ADGRB3: variants seen among roughly 807,000 people sequenced by gnomAD.
ADGRB3 encodes brain-specific angiogenesis inhibitor 3.
Under a neutral mutation model 193.4 loss-of-function variants are expected in ADGRB3, and 37 were observed. That is an observed-to-expected ratio of 0.19 (90% confidence interval 0.15 to 0.25). The LOEUF is 0.25. Ranked by LOEUF, ADGRB3 falls within the 10% of genes least tolerant of loss-of-function variation. ADGRB3 has a pLI of 1.00. For synonymous variants in ADGRB3, 690 were observed against 644.2 expected, an observed-to-expected ratio of 1.07 and a Z score of -1.08; for missense variants, 1,637 against 1,852.9, an observed-to-expected ratio of 0.88 and a Z score of 2.14.
intron 20 of ADGRB3, among the ~76,000 whole-genome samples, chr6:69,247,201 A>G (rs928415986): frequency 1.1e-4 from 17 of 152,302 alleles, no homozygotes; most frequent in South Asian, 4.1e-4. Flanking sequence ...TGCAAACTGT[A>G]TGATGGGTCT....
chr6:69,105,594 G>A (rs758934637), intron 17 of ADGRB3, among the ~76,000 whole-genome samples: 19 of 152,012 alleles, frequency 1.2e-4, no homozygotes, highest in Non-Finnish European at 2.4e-4. Context: ...TCCCAGCCCC[G>A]TTTCTGCCAG....
At chr6:69,060,123 T>C (rs753779404) in intron 15 of ADGRB3, among the ~76,000 whole-genome samples, 33 of 152,058 alleles carry the variant, frequency 2.2e-4, no homozygotes, top group Non-Finnish European at 3.5e-4. Flanking sequence ...TATGCATGAA[T>C]AAATTGACAC....
chr6:69,122,488 AGGGGGAGG>A (rs1190254869), intron 17 of ADGRB3, among the ~76,000 whole-genome samples: 1 of 2,166 alleles, frequency 4.6e-4, no homozygotes, highest in Non-Finnish European at 9.3e-4. Flanking sequence ...GGGAGGGGGG[AGGGGGAGG>A]GGGAGAGGGA....
At chr6:69,238,629 C>T (rs966068201) in intron 19 of ADGRB3, among the ~76,000 whole-genome samples, 2 of 151,942 alleles carry the variant, frequency 1.3e-5, no homozygotes, top group Non-Finnish European at 2.9e-5. Flanking sequence ...TTCACAGTTT[C>T]ATGAAAGTAA....
chr6:68,879,066 G>A lies in ADGRB3; in HGVS notation c.758-51493G>A, dbSNP rs184608776. 1.8e-4 allele frequency among the ~76,000 whole-genome samples: 28 copies of A among 152,124 alleles called. No individual in the cohort carries two copies. In the East Asian group the frequency reaches 3.3e-3, roughly 18 times the overall value. On this transcript the variant is annotated intron_variant, in intron 3 of 31. Transcript: ENST00000370598. ...GATGAGATTTGGGTGGGGACACAGA[G>A]CCAAACCATATCATGGCATAAGCAA...
intron 16 of ADGRB3, among the ~76,000 whole-genome samples, chr6:69,071,013 C>T (rs182613272): frequency 1.6e-3 from 246 of 152,334 alleles, no homozygotes; most frequent in Non-Finnish European, 2.9e-3. Context: ...TCGTACCTCT[C>T]TCTCTCTGCC....
At chr6:69,151,612 C>T (rs1774681388) in intron 17 of ADGRB3, among the ~76,000 whole-genome samples, 1 of 152,088 alleles carries the variant, frequency 6.6e-6, no homozygotes, top group South Asian at 2.1e-4. Flanking sequence ...GTGTAGATGG[C>T]TGTTAAATTC....
chr6:68,720,951 T>C (rs1002119534), intron 3 of ADGRB3, among the ~76,000 whole-genome samples: 1 of 151,746 alleles, frequency 6.6e-6, no homozygotes, highest in African/African-American at 2.4e-5. Context: ...TTTCTGAAAG[T>C]TTTTTGTTCT....
At chr6:68,707,333 G>T (rs1430987150) in intron 3 of ADGRB3, among the ~76,000 whole-genome samples, 1 of 152,112 alleles carries the variant, frequency 6.6e-6, no homozygotes, top group Admixed American at 6.6e-5. Flanking sequence ...CTTCTCAGCA[G>T]CACATCTGGA....
At position 69,355,378 on chromosome 6, in the gene ADGRB3, G is replaced by C. The variant is rs555491797; in HGVS notation, c.3556-443G>C. On this transcript the variant is annotated intron_variant, in intron 27 of 31. Coordinates refer to ENST00000370598, the MANE Select transcript of ADGRB3 (RefSeq NM_001704.3). The stretch of plus-strand genomic sequence containing the variant: ...CCTAGTTTGAGCCTAGTTTAACCTA[G>C]TTTGACAAAGCTGGATTCTAAGATG... 2.0e-5 allele frequency among the ~76,000 whole-genome samples: 3 copies of C among 152,224 alleles called. No homozygotes were observed. The South Asian group carries it at 6.2e-4, about 32-fold the overall frequency.
At chr6:69,046,783 G>A (rs991156996) in intron 13 of ADGRB3, among the ~76,000 whole-genome samples, 2 of 152,096 alleles carry the variant, frequency 1.3e-5, no homozygotes, top group African/African-American at 2.4e-5. Flanking sequence ...AACTAATATT[G>A]TTAAATTCTT....
chr6:68,692,371 A>C (rs1234114987), intron 3 of ADGRB3, among the ~76,000 whole-genome samples: 1 of 151,926 alleles, frequency 6.6e-6, no homozygotes, highest in Non-Finnish European at 1.5e-5. Flanking sequence ...TTACAAAAAA[A>C]GTAAAGAATA....
chr6:69,292,841 G>A (rs1767719057), intron 20 of ADGRB3, among the ~76,000 whole-genome samples: 1 of 152,104 alleles, frequency 6.6e-6, no homozygotes, highest in Admixed American at 6.5e-5. Flanking sequence ...CTAGCATGAG[G>A]TACATCTCCC....
At chr6:69,067,559 G>A (rs1771944599) in intron 16 of ADGRB3, among the ~76,000 whole-genome samples, 1 of 152,062 alleles carries the variant, frequency 6.6e-6, no homozygotes, top group South Asian at 2.1e-4. Context: ...AAAATCACTT[G>A]GCAAAACTTT....
At chr6:69,029,159 T>C (rs1001611353) in intron 13 of ADGRB3, among the ~76,000 whole-genome samples, 1 of 152,210 alleles carries the variant, frequency 6.6e-6, no homozygotes, top group Non-Finnish European at 1.5e-5. Context: ...AATTTTTTTA[T>C]TATGTGACTC....
At position 68,788,424 on chromosome 6, in the gene ADGRB3, T is replaced by C. The variant is rs562746300; in HGVS notation, c.758-142135T>C. 7.2e-5 allele frequency among the ~76,000 whole-genome samples: 11 copies of C among 152,352 alleles called. No homozygotes were observed. The South Asian group carries it at 1.9e-3, about 26-fold the overall frequency. The stretch of plus-strand genomic sequence containing the variant: ...CATTTCATTATTTACTCAGTAGTCA[T>C]TCAGGAACAGGTTGTTGAGTTTCCA... On this transcript the variant is annotated intron_variant, in intron 3 of 31. Coordinates refer to ENST00000370598, the MANE Select transcript of ADGRB3 (RefSeq NM_001704.3).
At chr6:69,154,355 C>G (rs1196025577) in intron 17 of ADGRB3, among the ~76,000 whole-genome samples, 1 of 152,148 alleles carries the variant, frequency 6.6e-6, no homozygotes, top group Non-Finnish European at 1.5e-5. Context: ...TTTCCCACCT[C>G]CTCATTAGAT....
chr6:69,214,843 A>G (rs1364928284), intron 17 of ADGRB3, among the ~76,000 whole-genome samples: 2 of 151,982 alleles, frequency 1.3e-5, no homozygotes, highest in Non-Finnish European at 2.9e-5. Flanking sequence ...AAGAAAATAC[A>G]TCTTCCTAAA....
Position 69,110,148 on chromosome 6 carries a change from G to A in ADGRB3, c.2480+34110G>A, listed in dbSNP as rs186609972. 1.6e-4 allele frequency among the ~76,000 whole-genome samples: 25 copies of A among 151,842 alleles called. No individual in the cohort carries two copies. The East Asian group carries it at 3.9e-3, about 24-fold the overall frequency. On this transcript the variant is annotated intron_variant, in intron 17 of 31. Coordinates refer to ENST00000370598, the MANE Select transcript of ADGRB3 (RefSeq NM_001704.3). ...TTTTTAGTAGAGATGGGGTTTTACCGACTTGGCCAGGCTGGTCTTGAACTC... is the reference window on the plus strand; with the variant it reads ...TTTTTAGTAGAGATGGGGTTTTACCAACTTGGCCAGGCTGGTCTTGAACTC...
Sources: allele counts gnomAD v4.1 joint callset (sites outside exome capture counted in the v4.1 genomes callset), GRCh38; gene constraint gnomAD v4.1.1; transcripts MANE v1.5; gene names NCBI Gene and HGNC (gene_info 2026-07-23, HGNC 2026-07-21).